The following ZNF318 variants were observed in gnomAD, a reference collection of about 807,000 sequenced individuals.
ZNF318 encodes zinc finger protein 318.
A neutral mutation model predicts 124.2 loss-of-function variants in ZNF318; 51 were observed. The observed-to-expected ratio is 0.41, with a 90% confidence interval of 0.33 to 0.52. The LOEUF is 0.52. ZNF318 is among the 20% of genes least tolerant of loss of function. The pLI is 0.23. For synonymous variants in ZNF318, 1,090 were observed against 1,040.7 expected (o/e 1.05, Z -0.91); for missense variants, 2,815 against 2,811.2 (o/e 1.00, Z -0.03).
chr6:43,367,853 C>G (rs1276660633), intron 1 of ZNF318, among the ~76,000 whole-genome samples: 1 of 152,084 alleles, frequency 6.6e-6, no homozygotes, highest in Admixed American at 6.6e-5. Context: ...AAAAGCAGAA[C>G]TTTGTTACTA....
rs182722186 is a variant in ZNF318, at chr6:43,355,757, C to T, written c.1577G>A (p.Arg526His). 16 of 1,614,190 alleles carry T rather than the reference C, an allele frequency of 9.9e-6. No individual in the cohort carries two copies. Among genetic ancestry groups the T allele is most frequent in the Admixed American group, 8.3e-5 (5 of 60,016 alleles). Residue 526 changes from arginine to histidine, a missense_variant, in exon 4 of 10, where the codon CGT becomes CAT. Transcript: ENST00000361428. ...CTCATCTTCAATGTCGGGAAAGCTA[C>T]GTCGCCTTTTTTCCTGTGTACTGGT... ...DSTSTQEKRRRSFPDIEDEEK... is the reference protein window; with the variant it reads ...DSTSTQEKRRHSFPDIEDEEK...
intron 6 of ZNF318, among the ~76,000 whole-genome samples, chr6:43,346,144 A>G (rs967977516): frequency 4.9e-5 from 7 of 143,970 alleles, no homozygotes; most frequent in African/African-American, 1.8e-4. Context: ...GCAGTGAGCG[A>G]AGATCACGCC....
chr6:43,368,777 T>C (rs1581654559), intron 1 of ZNF318, 190 bp downstream of exon 1: 1 of 985,242 alleles, frequency 1.0e-6, no homozygotes, highest in Non-Finnish European at 1.2e-6. Context: ...GCCCGTGCGC[T>C]CCCGAGTCCG....
chr6:43,360,273 A>ATC (rs1779663152), intron 2 of ZNF318, among the ~76,000 whole-genome samples: 2 of 152,228 alleles, frequency 1.3e-5, no homozygotes, highest in Non-Finnish European at 2.9e-5. Context: ...GCATAAAAAC[A>ATC]GTTTTCTTAA....
In ZNF318 at chr6:43,346,745, G is replaced by T. The variant is rs544188630; in HGVS notation, c.3072+1579C>A. Among the ~76,000 whole-genome samples, 12 of 152,150 alleles carry T rather than the reference G, an allele frequency of 7.9e-5. No individual in the cohort carries two copies. The South Asian group carries it at 2.5e-3, about 32-fold the overall frequency. ...GGGGTTGGGAGAAAGATTATTCCAG[G>T]CTAATAGGATTATTTATGCAAAACC... On this transcript the variant is annotated intron_variant, in intron 6 of 9. Transcript: ENST00000361428.
chr6:43,342,991 C>T, intron 6 of ZNF318, 112 bp from the exon 7 acceptor site: 3 of 862,954 alleles, frequency 3.5e-6, no homozygotes, highest in Non-Finnish European at 5.3e-6. Flanking sequence ...GACCATATTT[C>T]CAATGTTTAA....
At chr6:43,362,677 T>C (rs959808022) in intron 2 of ZNF318, among the ~76,000 whole-genome samples, 1 of 151,916 alleles carries the variant, frequency 6.6e-6, no homozygotes, top group African/African-American at 2.4e-5. Context: ...GTAATTTTTG[T>C]ATTTTTGGTA....
At position 43,354,905 on chromosome 6, in the gene ZNF318, G is replaced by A. The variant is rs748483300; in HGVS notation, c.2429C>T (p.Pro810Leu). ...SRWPMYPTSQ[P>L]SNHPVPEPHR... ...TGGTTCAGGTACAGGGTGGTTTGAC[G>A]GTTGAGAGGTGGGATACATGGGCCA... The change falls in exon 4 of 10, where the codon CCG (proline) becomes CTG (leucine). Residue 810 changes from proline to leucine, a missense_variant. Transcript: ENST00000361428. 19 of 1,612,672 alleles carry A rather than the reference G, an allele frequency of 1.2e-5. No homozygotes were observed. The highest frequency in any genetic ancestry group is 1.3e-5 in the African/African-American group (1 of 74,908).
Position 43,356,089 on chromosome 6 carries a change from C to A in ZNF318, c.1245G>T (p.Gly415=). ...SSSQDHPLYS[G]HPSLPLSGAI... is the part of the protein sequence containing the mutation. ...CACCACTTAGTGGAAGGGATGGGTG[C>A]CCAGAGTAGAGAGGGTGATCCTGGC... is the stretch of plus-strand genomic sequence containing the variant. Residue 415 remains glycine (G), a synonymous_variant, in exon 4 of 10, where the codon GGG becomes GGT. Coordinates refer to ENST00000361428, the MANE Select transcript of ZNF318 (RefSeq NM_014345.3). 1 of 1,614,090 alleles carries A rather than the reference C, an allele frequency of 6.2e-7. No individual in the cohort carries two copies. The highest frequency in any genetic ancestry group is 8.5e-7 in the Non-Finnish European group (1 of 1,180,014).
chr6:43,368,864 C>G (rs896231896), intron 1 of ZNF318, 103 bp downstream of exon 1: 1 of 1,242,558 alleles, frequency 8.0e-7, no homozygotes, highest in Non-Finnish European at 1.0e-6. Flanking sequence ...GGAGGCTTCG[C>G]GCTTAGGACC....
In ZNF318 at chr6:43,339,643, G is replaced by A. The variant is rs758400104; in HGVS notation, c.4355C>T (p.Pro1452Leu). 2.5e-6 allele frequency: 4 copies of A among 1,611,564 alleles called. No homozygotes were observed. Among genetic ancestry groups the A allele is most frequent in the African/African-American group, 1.3e-5 (1 of 74,582 alleles). The change falls in exon 10 of 10, where the codon CCT (proline) becomes CTT (leucine). Residue 1452 changes from proline (P) to leucine (L), a missense_variant. Pro to Leu is a moderately conservative substitution (Grantham distance 98). Coordinates refer to ENST00000361428, the MANE Select transcript of ZNF318 (RefSeq NM_014345.3). This position sits in a 1 kb window ranked among gnomAD's most constrained non-coding sequence, Gnocchi z 4.2. ...PPPPPPPPPP[P>L]PPPPVIPHPA... is the part of the protein sequence containing the mutation. ...ATGAGGTATAACGGGGGGTGGTGGA[G>A]GTGGTGGAGGTGGGGGTGGTGGAGG...
intron 6 of ZNF318, among the ~76,000 whole-genome samples, chr6:43,345,768 C>T (rs1475045741): frequency 6.6e-6 from 1 of 152,144 alleles, no homozygotes; most frequent in Non-Finnish European, 1.5e-5. Flanking sequence ...ATGTGCTAGA[C>T]ATATTGTATG....
chr6:43,352,263 G>GCAACTTTTTTGTAAGTTTAACTACCA, intron 5 of ZNF318, 114 bp downstream of exon 5: 1 of 409,554 alleles, frequency 2.4e-6, no homozygotes, highest in Admixed American at 6.7e-5. Flanking sequence ...GTTTAATTAC[G>GCAACTTTTTTGTAAGTTTAACTACCA]TCAAAAAAAA....
rs900768805 is a variant in ZNF318, at chr6:43,369,457, C to T, written c.-92G>A. On this transcript the variant is annotated 5_prime_UTR_variant, in exon 1 of 10. Transcript: ENST00000361428. The stretch of plus-strand genomic sequence containing the variant: ...GCGCCGCCGCAGCTGCAGCCGCCGC[C>T]ACCTCGGCCGCTGCGCGCCGCCTCA... The T allele has an allele frequency of 3.2e-4, 330 of 1,033,550 alleles. No homozygotes were observed. The highest frequency in any genetic ancestry group is 3.8e-4 in the Non-Finnish European group (317 of 838,336). The allele number at this position is 1,033,550 out of a possible 1,614,324, so 64.0% of individuals were successfully genotyped here.
chr6:43,366,908 G>C (rs1036034251), intron 1 of ZNF318, among the ~76,000 whole-genome samples: 4 of 151,968 alleles, frequency 2.6e-5, no homozygotes, highest in Non-Finnish European at 1.5e-5. Context: ...CTGGAGTGCA[G>C]TGGCACGATC....
chr6:43,349,985 C>T (rs1041673050), intron 5 of ZNF318, among the ~76,000 whole-genome samples: 10 of 152,160 alleles, frequency 6.6e-5, no homozygotes, highest in Admixed American at 2.0e-4. Context: ...TGGGGTGGCT[C>T]ACACCTATAA....
intron 6 of ZNF318, among the ~76,000 whole-genome samples, 182 bp downstream of exon 6, chr6:43,348,142 T>G (rs1779474841): frequency 6.6e-6 from 1 of 152,188 alleles, no homozygotes; most frequent in African/African-American, 2.4e-5. Flanking sequence ...TAGGATTCTT[T>G]GTGGGCAACA....
chr6:43,352,505 C>T, intron 4 of ZNF318, 29 bp from the exon 5 acceptor site: 1 of 1,571,634 alleles, frequency 6.4e-7, no homozygotes, highest in Non-Finnish European at 8.8e-7. Context: ...TAAGAGAGTC[C>T]ATCTCCTCCA....
At chr6:43,363,493 T>G in intron 2 of ZNF318, 1 of 206,038 alleles carries the variant, frequency 4.9e-6, no homozygotes, top group South Asian at 1.2e-4. Flanking sequence ...CCGGGGGCCC[T>G]GGGATGGGAA....
Sources: gnomAD v4.1 joint callset for allele counts (sites outside exome capture counted in the v4.1 genomes callset) on GRCh38, gnomAD v4.1.1 for gene constraint, Gnocchi (gnomAD v3.1) non-coding constraint, MANE v1.5 for transcripts, NCBI Gene and HGNC (gene_info 2026-07-23, HGNC 2026-07-21) for gene names.